Variants in COBL observed in about 807,000 individuals in gnomAD.
The protein encoded by COBL is protein cordon-bleu.
COBL carries 51 observed loss-of-function variants against 98.8 expected under a neutral mutation model. The observed-to-expected ratio is 0.52, with a 90% CI of 0.41 to 0.65. The LOEUF is 0.65. Ranked by LOEUF, COBL falls within the 30% of genes least tolerant of loss-of-function variation. The pLI is 0.00. For missense variants in COBL, 1,617 were observed against 1,617.5 expected, an observed-to-expected ratio of 1.00 and a Z score of 0.01; for synonymous variants, 634 against 651.7, an observed-to-expected ratio of 0.97 and a Z score of 0.41.
chr7:51,165,740 T>A (rs936189455), intron 5 of COBL, among the ~76,000 whole-genome samples: 1 of 151,898 alleles, frequency 6.6e-6, no homozygotes, highest in African/African-American at 2.4e-5. Context: ...TAAAACATTT[T>A]TAAAAACTGA....
At chr7:51,114,835 G>T (rs1176868966) in intron 6 of COBL, among the ~76,000 whole-genome samples, 1 of 152,152 alleles carries the variant, frequency 6.6e-6, no homozygotes, top group Non-Finnish European at 1.5e-5. Flanking sequence ...GTATTGTATG[G>T]ATTTGTTTAC....
chr7:51,057,492 AT>A lies in COBL; in HGVS notation c.1097-13801del, dbSNP rs574033409. Reference sequence around the variant, plus strand: ...CATAAAAGCAATGAATAGTAACAAGATTTTTCTCTAGAGCTCCCCTCCCGTA... The same window carrying A: ...CATAAAAGCAATGAATAGTAACAAGATTTTCTCTAGAGCTCCCCTCCCGTA... On this transcript the variant is annotated intron_variant, in intron 7 of 12. Transcript: ENST00000265136. Among the ~76,000 whole-genome samples, 16 of 151,962 alleles carry A rather than the reference AT, an allele frequency of 1.1e-4. No homozygotes were observed. The South Asian group carries it at 3.3e-3, about 32-fold the overall frequency.
Position 51,316,714 on chromosome 7 carries a change from C to T in COBL, c.-81G>A, listed in dbSNP as rs1045416834. ...CTACCGCCGCCACCGCTGCCGCCCT[C>T]ATTCACTTTTTCCGCGCTGACCCAT... On this transcript the variant is annotated 5_prime_UTR_variant, in exon 1 of 13. An upstream start codon of the reference 5' UTR is lost. Coordinates refer to ENST00000265136, the MANE Select transcript of COBL (RefSeq NM_015198.5). 8.3e-6 allele frequency: 9 copies of T among 1,079,808 alleles called. No individual in the cohort carries two copies. The highest frequency in any genetic ancestry group is 1.0e-5 in the Non-Finnish European group (9 of 860,134). The allele number at this position is 1,079,808 out of a possible 1,614,324, so 66.9% of individuals were successfully genotyped here. A position where few individuals can be genotyped will look rare whatever the true frequency, so the allele number is the denominator to read the frequency against.
At chr7:51,278,971 C>T (rs1325679296) in intron 1 of COBL, among the ~76,000 whole-genome samples, 1 of 152,226 alleles carries the variant, frequency 6.6e-6, no homozygotes, top group African/African-American at 2.4e-5. Context: ...GGCAGGTGGC[C>T]GGGGAAATGC....
intron 6 of COBL, among the ~76,000 whole-genome samples, chr7:51,120,086 T>C (rs1169859624): frequency 1.3e-5 from 2 of 152,174 alleles, no homozygotes; most frequent in East Asian, 3.8e-4. Context: ...GCAATCTTAA[T>C]ATATTGAAAT....
chr7:51,236,710 C>T (rs969032922), intron 1 of COBL, among the ~76,000 whole-genome samples: 3 of 152,128 alleles, frequency 2.0e-5, no homozygotes, highest in Non-Finnish European at 2.9e-5. Flanking sequence ...ACATTCCTCA[C>T]CTGTAAAGGG....
In COBL at chr7:51,316,521, C is replaced by G. The variant is rs944620240; in HGVS notation, c.41+72G>C. 14 of 1,123,334 alleles carry G rather than the reference C, an allele frequency of 1.2e-5. No homozygotes were observed. In the African/African-American group the frequency reaches 2.3e-4, roughly 18 times the overall value. The allele number at this position is 1,123,334 out of a possible 1,614,324, so 69.6% of individuals were successfully genotyped here. A position where few individuals can be genotyped will look rare whatever the true frequency, so the allele number is the denominator to read the frequency against. Reference sequence around the variant, plus strand: ...AGAGAGGGCGCCCTGCCCGGGAGCGCGCGGTGCGGACGCGGGCGTCCGAGC... The same window carrying G: ...AGAGAGGGCGCCCTGCCCGGGAGCGGGCGGTGCGGACGCGGGCGTCCGAGC... On this transcript the variant is annotated intron_variant, in intron 1 of 12. Coordinates refer to ENST00000265136, the MANE Select transcript of COBL (RefSeq NM_015198.5).
intron 6 of COBL, among the ~76,000 whole-genome samples, chr7:51,108,822 C>T (rs1055828736): frequency 1.3e-5 from 2 of 152,100 alleles, no homozygotes; most frequent in Non-Finnish European, 2.9e-5. Flanking sequence ...TCACCCTGAG[C>T]TCTTGTATAG....
intron 1 of COBL, among the ~76,000 whole-genome samples, chr7:51,220,176 C>T (rs1376008126): frequency 6.6e-6 from 1 of 152,138 alleles, no homozygotes; most frequent in Non-Finnish European, 1.5e-5. Flanking sequence ...AACATGCTTG[C>T]TGTCAGGGAG....
chr7:51,135,658 C>G (rs996369275), intron 6 of COBL, among the ~76,000 whole-genome samples: 1 of 152,178 alleles, frequency 6.6e-6, no homozygotes, highest in African/African-American at 2.4e-5. Flanking sequence ...AACCTAAAGA[C>G]TAGCAGGGGC....
chr7:51,134,313 C>T (rs978940034), intron 6 of COBL, among the ~76,000 whole-genome samples: 3 of 152,202 alleles, frequency 2.0e-5, no homozygotes, highest in African/African-American at 7.2e-5. Flanking sequence ...TTTCTCCACG[C>T]ATTCTGTGCC....
chr7:51,083,599 T>C (rs1412784948), intron 7 of COBL, among the ~76,000 whole-genome samples: 1 of 152,242 alleles, frequency 6.6e-6, no homozygotes, highest in Non-Finnish European at 1.5e-5. Context: ...TTAATGTTAG[T>C]CTTTTTCAGG....
chr7:51,295,259 C>G (rs1801315671), intron 1 of COBL, among the ~76,000 whole-genome samples: 1 of 147,096 alleles, frequency 6.8e-6, no homozygotes, highest in African/African-American at 2.6e-5. Flanking sequence ...GCACTCCAGC[C>G]TGGGTGACAG....
chr7:51,032,250 G>C (rs564677357), intron 8 of COBL: 1 of 152,200 alleles, frequency 6.6e-6, no homozygotes, highest in African/African-American at 2.4e-5. Flanking sequence ...ATGTCAACCC[G>C]TCTGCTCAGA....
At chr7:51,198,297 T>A (rs1211516798) in intron 2 of COBL, among the ~76,000 whole-genome samples, 4 of 152,216 alleles carry the variant, frequency 2.6e-5, no homozygotes, top group Non-Finnish European at 4.4e-5. Context: ...AATTCTGGGT[T>A]GGAATTTCTT....
intron 1 of COBL, among the ~76,000 whole-genome samples, chr7:51,223,986 C>G (rs1484098079): frequency 6.6e-6 from 1 of 152,146 alleles, no homozygotes; most frequent in South Asian, 2.1e-4. Flanking sequence ...AAGGTAGTCC[C>G]CTAAGACTGT....
At chr7:51,279,407 T>G (rs1217123178) in intron 1 of COBL, among the ~76,000 whole-genome samples, 2 of 152,256 alleles carry the variant, frequency 1.3e-5, no homozygotes, top group Non-Finnish European at 2.9e-5. Flanking sequence ...AATTTTTAAC[T>G]ATATTCACCA....
At chr7:51,267,805 C>T (rs1248868133) in intron 1 of COBL, among the ~76,000 whole-genome samples, 1 of 152,074 alleles carries the variant, frequency 6.6e-6, no homozygotes, top group East Asian at 1.9e-4. Flanking sequence ...AATTCCTGAC[C>T]ACAAGTGATC....
At chr7:51,056,625 T>C (rs1200722664) in intron 7 of COBL, among the ~76,000 whole-genome samples, 1 of 152,332 alleles carries the variant, frequency 6.6e-6, no homozygotes, top group African/African-American at 2.4e-5. Context: ...ATTTAAACTG[T>C]TACCTGGTTC....
Sources: gnomAD v4.1 joint callset for allele counts (sites outside exome capture counted in the v4.1 genomes callset) on GRCh38, gnomAD v4.1.1 for gene constraint, MANE v1.5 for transcripts, NCBI Gene and HGNC (gene_info 2026-07-23, HGNC 2026-07-21) for gene names.